ITIH5: variants seen among roughly 807,000 people sequenced by gnomAD.
The protein encoded by ITIH5 is inter-alpha-trypsin inhibitor heavy chain 5.
Under a neutral mutation model 77.5 loss-of-function variants are expected in ITIH5, and 65 were observed. The observed-to-expected ratio is 0.84, with a 90% confidence interval of 0.69 to 1.03. The LOEUF (loss-of-function observed/expected upper bound fraction) is 1.03. ITIH5 is among the 50% of genes least tolerant of loss of function. ITIH5 has a pLI of 0.00. For synonymous variants in ITIH5, 525 were observed against 494.3 expected, an observed-to-expected ratio of 1.06 and a Z score of -0.82; for missense variants, 1,208 against 1,213.1, an observed-to-expected ratio of 1.00 and a Z score of 0.06.
chr10:7,661,419 C>A (rs1304859039), intron 1 of ITIH5, among the ~76,000 whole-genome samples: 1 of 152,106 alleles, frequency 6.6e-6, no homozygotes. Flanking sequence ...GGGCCAATTA[C>A]CTTAGAGATC....
intron 7 of ITIH5, among the ~76,000 whole-genome samples, chr10:7,590,967 A>G (rs1293859239): frequency 1.3e-5 from 2 of 151,988 alleles, no homozygotes; most frequent in Non-Finnish European, 2.9e-5. Flanking sequence ...CGCGGTATCC[A>G]CTCACTGCAA....
At chr10:7,571,113 G>A (rs1832288355) in intron 11 of ITIH5, among the ~76,000 whole-genome samples, 1 of 152,138 alleles carries the variant, frequency 6.6e-6, no homozygotes, top group Non-Finnish European at 1.5e-5. Flanking sequence ...GAGAGGATCT[G>A]GCTGCTCTCC....
rs1431231425 is a variant in ITIH5 at position 7,561,580 on chromosome 10, CAG to C, written c.*1501_*1502del. 6.6e-6 allele frequency: 1 copy of C among 152,310 alleles called. No individual in the cohort carries two copies. Among genetic ancestry groups the C allele is most frequent in the African/African-American group, 2.4e-5 (1 of 41,470 alleles). The allele number at this position is 152,310 out of a possible 1,614,324, so 9.4% of individuals were successfully genotyped here. A position where few individuals can be genotyped will look rare whatever the true frequency, so the allele number is the denominator to read the frequency against. On this transcript the variant is annotated 3_prime_UTR_variant, in exon 14 of 14. Coordinates refer to ENST00000397146, the MANE Select transcript of ITIH5 (RefSeq NM_030569.7). ...GCCCTGGTGTGGTGGGTTCACGAAG[CAG>C]AGAGAGACGAGCCCAGATAGTCCCC...
intron 7 of ITIH5, among the ~76,000 whole-genome samples, chr10:7,607,369 G>A (rs368277171): frequency 3.3e-5 from 5 of 152,190 alleles, no homozygotes; most frequent in South Asian, 4.1e-4. Flanking sequence ...TCTGGGGGCC[G>A]GGCGTGGTGG....
At chr10:7,653,892 C>T (rs1023716659) in intron 2 of ITIH5, among the ~76,000 whole-genome samples, 10 of 152,148 alleles carry the variant, frequency 6.6e-5, no homozygotes, top group Admixed American at 3.9e-4. Flanking sequence ...CAGTGGCTCA[C>T]GCCTGTAATC....
chr10:7,654,188 C>G (rs1834144732), intron 2 of ITIH5, among the ~76,000 whole-genome samples: 1 of 152,034 alleles, frequency 6.6e-6, no homozygotes, highest in Non-Finnish European at 1.5e-5. Flanking sequence ...TCACATGCAC[C>G]CATGGTTTTA....
rs540326292 is a variant in ITIH5 at position 7,559,609 on chromosome 10, G to A, written c.*3474C>T. The A allele has an allele frequency of 3.1e-5, 8 of 260,916 alleles. No homozygotes were observed. Among genetic ancestry groups the A allele is most frequent in the African/African-American group, 4.6e-5 (2 of 43,660 alleles). The allele number at this position is 260,916 out of a possible 1,614,324, so 16.2% of individuals were successfully genotyped here. A position where few individuals can be genotyped will look rare whatever the true frequency, so the allele number is the denominator to read the frequency against. On this transcript the variant is annotated 3_prime_UTR_variant, in exon 14 of 14. Coordinates refer to ENST00000397146, the MANE Select transcript of ITIH5 (RefSeq NM_030569.7). ...CTTAAAGAACAGAAAAAGAATTAAC[G>A]TTTTGAATGATTTGGTGTCTTAGTC...
chr10:7,592,518 G>T lies in ITIH5; in HGVS notation c.940-6449C>A, dbSNP rs148829629. The stretch of plus-strand genomic sequence containing the variant: ...AGAGAAACAGAAAGAGTAGGGGAAA[G>T]AGGAAAATAGAGGGGAGGAGAAAGA... On this transcript the variant is annotated intron_variant, in intron 7 of 13. Coordinates refer to ENST00000397146, the MANE Select transcript of ITIH5 (RefSeq NM_030569.7). Among the ~76,000 whole-genome samples the T allele has an allele frequency of 1.9e-3, 291 of 152,310 alleles. 2 individuals carry two copies. The highest frequency in any genetic ancestry group is 6.7e-3 in the African/African-American group (280 of 41,574).
chr10:7,589,067 A>G (rs1015606274), intron 7 of ITIH5, among the ~76,000 whole-genome samples: 10 of 152,246 alleles, frequency 6.6e-5, no homozygotes, highest in South Asian at 4.1e-4. Flanking sequence ...ATCTCTTCCA[A>G]GTCCCTGTAT....
intron 7 of ITIH5, among the ~76,000 whole-genome samples, chr10:7,596,814 G>A (rs529128466): frequency 6.3e-4 from 96 of 152,066 alleles, no homozygotes; most frequent in South Asian, 3.1e-3. Flanking sequence ...TTGGGAGGTC[G>A]AGGAAGGACG....
chr10:7,644,874 CATATATATATCACATATATATATCACAT>C lies in ITIH5; in HGVS notation c.136-2812_136-2785del, dbSNP rs752912504. ...TCACATATGTATCACATATATATCA[CATATATATATCACATATATATATCACAT>C]ATATATATCACATATATATATCACA... On this transcript the variant is annotated intron_variant, in intron 2 of 13. Coordinates refer to ENST00000397146, the MANE Select transcript of ITIH5 (RefSeq NM_030569.7). Among the ~76,000 whole-genome samples the C allele has an allele frequency of 7.2e-4, 58 of 80,610 alleles. No individual in the cohort carries two copies. The South Asian group carries it at 0.016, about 22-fold the overall frequency. The allele number at this position is 80,610 out of a possible 152,430, so 52.9% of individuals were successfully genotyped here.
intron 5 of ITIH5, among the ~76,000 whole-genome samples, chr10:7,634,584 C>T (rs1246454677): frequency 2.0e-5 from 3 of 152,200 alleles, no homozygotes; most frequent in Non-Finnish European, 4.4e-5. Flanking sequence ...TAACAGGCCC[C>T]GAATATAAAC....
chr10:7,573,245 A>G (rs1225958259), intron 10 of ITIH5, 50 bp from the exon 11 acceptor site: 21 of 1,508,566 alleles, frequency 1.4e-5, no homozygotes, highest in Non-Finnish European at 1.8e-5. Context: ...AAAGAAGATG[A>G]AGAGAGAGGT....
chr10:7,641,812 ATACCATC>A, intron 3 of ITIH5, 108 bp downstream of exon 3: 1 of 788,584 alleles, frequency 1.3e-6, no homozygotes, highest in Non-Finnish European at 2.1e-6. Flanking sequence ...TCTGATCTAT[ATACCATC>A]TACTGGAATA....
At chr10:7,565,422 A>G (rs1216953313) in intron 13 of ITIH5, among the ~76,000 whole-genome samples, 2 of 150,492 alleles carry the variant, frequency 1.3e-5, no homozygotes, top group Non-Finnish European at 3.0e-5. Flanking sequence ...GACAGTATAC[A>G]TACATATATA....
intron 12 of ITIH5, among the ~76,000 whole-genome samples, chr10:7,566,949 A>G (rs913046838): frequency 6.6e-6 from 1 of 151,272 alleles, no homozygotes; most frequent in African/African-American, 2.4e-5. Flanking sequence ...TCCCTGCCCA[A>G]CGCATCAAGT....
rs1374321793 is a variant in ITIH5 at position 7,590,762 on chromosome 10, G to A, written c.940-4693C>T. 5.3e-5 allele frequency among the ~76,000 whole-genome samples: 8 copies of A among 152,188 alleles called. No individual in the cohort carries two copies. The South Asian group carries it at 1.5e-3, about 28-fold the overall frequency. ...CCCTTAGGATAAATTCCCATACGTG[G>A]AAGCGGAGCGACAAAGGGCTTGCAC... On this transcript the variant is annotated intron_variant, in intron 7 of 13. Transcript: ENST00000397146.
chr10:7,597,162 T>C (rs1236500028), intron 7 of ITIH5, among the ~76,000 whole-genome samples: 1 of 150,126 alleles, frequency 6.7e-6, no homozygotes, highest in East Asian at 2.0e-4. Flanking sequence ...TTCTGAAAGG[T>C]AATTTTGGAA....
At chr10:7,655,989 T>G (rs771880022) in intron 1 of ITIH5, among the ~76,000 whole-genome samples, 7 of 152,218 alleles carry the variant, frequency 4.6e-5, no homozygotes, top group Non-Finnish European at 8.8e-5. Context: ...ATAGAGTATT[T>G]GTATTCTGTT....
Sources: gnomAD v4.1 joint callset for allele counts (sites outside exome capture counted in the v4.1 genomes callset) on GRCh38, gnomAD v4.1.1 for gene constraint, MANE v1.5 for transcripts, NCBI Gene and HGNC (gene_info 2026-07-23, HGNC 2026-07-21) for gene names.